DGKG: variants seen among roughly 807,000 people sequenced by gnomAD.
The protein encoded by DGKG is DAG kinase gamma.
Under a neutral mutation model 105.3 loss-of-function variants are expected in DGKG, and 78 were observed. That is an observed-to-expected ratio of 0.74 (90% CI 0.62 to 0.89). DGKG has a LOEUF of 0.89. Ranked by LOEUF, DGKG falls within the 40% of genes least tolerant of loss-of-function variation. The probability of loss-of-function intolerance (pLI) is 0.00; values close to 1 mark genes in which losing one functional copy is unlikely to be tolerated. For missense variants in DGKG, 958 were observed against 1,020.1 expected (o/e 0.94, Z 0.83); for synonymous variants, 346 against 367.1 (o/e 0.94, Z 0.66).
chr3:186,156,065 GGATAGC>G (rs930626680), intron 24 of DGKG, among the ~76,000 whole-genome samples: 2 of 151,860 alleles, frequency 1.3e-5, no homozygotes, highest in African/African-American at 4.8e-5. Context: ...CTGATCTTTG[GGATAGC>G]GATTGCAAAC....
intron 2 of DGKG, among the ~76,000 whole-genome samples, chr3:186,314,527 G>A (rs1453398519): frequency 6.6e-6 from 1 of 152,092 alleles, no homozygotes; most frequent in Non-Finnish European, 1.5e-5. Flanking sequence ...GGTCGAGGCG[G>A]GTGGATCACC....
At position 186,353,561 on chromosome 3, in the gene DGKG, GTATGTATA is replaced by G. The variant is rs1439760122; in HGVS notation, c.-249+8377_-249+8384del. On this transcript the variant is annotated intron_variant, in intron 1 of 24. Coordinates refer to ENST00000265022, the MANE Select transcript of DGKG (RefSeq NM_001346.3). ...TACACACTTTTATATATACTTTTAT[GTATGTATA>G]TATATATATATATATATATATACAC... 1.9e-3 allele frequency among the ~76,000 whole-genome samples: 209 copies of G among 107,938 alleles called. 1 individual carries two copies. The highest frequency in any genetic ancestry group is 9.9e-3 in the African/African-American group (204 of 20,658). The allele number at this position is 107,938 out of a possible 152,430, so 70.8% of individuals were successfully genotyped here.
chr3:186,301,514 C>T (rs1240011295), intron 3 of DGKG, among the ~76,000 whole-genome samples: 1 of 152,168 alleles, frequency 6.6e-6, no homozygotes, highest in Non-Finnish European at 1.5e-5. Flanking sequence ...GTAGTCCCAG[C>T]TACTCGGGAG....
rs544966009 is a variant in DGKG, at chr3:186,203,462, G to A, written c.1917+8333C>T. Among the ~76,000 whole-genome samples, 6 of 152,110 alleles carry A rather than the reference G, an allele frequency of 3.9e-5. No homozygotes were observed. The highest frequency in any genetic ancestry group is 9.7e-5 in the African/African-American group (4 of 41,432). On this transcript the variant is annotated intron_variant, in intron 21 of 24. Transcript: ENST00000265022. The surrounding 1 kb of genome is among the most constrained non-coding windows in gnomAD (Gnocchi z 4.9). ...ATGAATTTGGATTACCTTTGTAATCGGGAAAAGAGGTTAGCCCACATATTA... is the reference window on the plus strand; with the variant it reads ...ATGAATTTGGATTACCTTTGTAATCAGGAAAAGAGGTTAGCCCACATATTA...
chr3:186,326,297 TAGG>T (rs1393401060), intron 1 of DGKG, among the ~76,000 whole-genome samples: 2 of 151,890 alleles, frequency 1.3e-5, no homozygotes, highest in East Asian at 3.9e-4. Flanking sequence ...GAGGCTGAGG[TAGG>T]AGAATTGCTC....
chr3:186,272,209 T>A (rs1560126756), intron 11 of DGKG, 46 bp downstream of exon 11: 2 of 1,447,532 alleles, frequency 1.4e-6, no homozygotes, highest in Non-Finnish European at 1.9e-6. Flanking sequence ...TGGACATGTT[T>A]CCTGGATGAG....
chr3:186,337,071 T>C (rs761607061), intron 1 of DGKG, among the ~76,000 whole-genome samples: 1 of 152,188 alleles, frequency 6.6e-6, no homozygotes, highest in Non-Finnish European at 1.5e-5. Flanking sequence ...AACAGATAAT[T>C]CTTCTCTTAC....
chr3:186,186,239 A>C (rs986690995), intron 22 of DGKG, among the ~76,000 whole-genome samples: 1 of 152,116 alleles, frequency 6.6e-6, no homozygotes, highest in African/African-American at 2.4e-5. Flanking sequence ...ACAAGAGAAT[A>C]ACTTCCCCAA....
intron 24 of DGKG, among the ~76,000 whole-genome samples, chr3:186,154,468 A>G (rs1305733677): frequency 1.3e-5 from 2 of 151,900 alleles, no homozygotes; most frequent in Admixed American, 6.6e-5. Flanking sequence ...ACATGGTGAA[A>G]TCCCGTCTCT....
chr3:186,304,331 T>C (rs1262401835), intron 3 of DGKG, among the ~76,000 whole-genome samples: 2 of 152,248 alleles, frequency 1.3e-5, no homozygotes, highest in African/African-American at 4.8e-5. Context: ...TTCTTTGAAA[T>C]GGTGCATTCT....
chr3:186,206,758 TTG>T lies in DGKG; in HGVS notation c.1917+5035_1917+5036del, dbSNP rs202125863. 4.9e-3 allele frequency among the ~76,000 whole-genome samples: 737 copies of T among 151,894 alleles called. 8 individuals carry two copies. The highest frequency in any genetic ancestry group is 0.016 in the African/African-American group (678 of 41,308). ...ACATGCTGGCTTCTTTTTTGTTTTTTTGTTTTTTTTGAGAGAGTTTTGCTTTT... is the reference window on the plus strand; with the variant it reads ...ACATGCTGGCTTCTTTTTTGTTTTTTTTTTTTTTGAGAGAGTTTTGCTTTT... On this transcript the variant is annotated intron_variant, in intron 21 of 24. Coordinates refer to ENST00000265022, the MANE Select transcript of DGKG (RefSeq NM_001346.3).
chr3:186,254,374 G>A (rs1413821507), intron 17 of DGKG, among the ~76,000 whole-genome samples: 3 of 152,148 alleles, frequency 2.0e-5, no homozygotes, highest in Non-Finnish European at 4.4e-5. Flanking sequence ...TGGAAGGCTT[G>A]AGATAGAGAG....
At chr3:186,343,831 C>T (rs1250252436) in intron 1 of DGKG, among the ~76,000 whole-genome samples, 1 of 151,926 alleles carries the variant, frequency 6.6e-6, no homozygotes, top group African/African-American at 2.4e-5. Flanking sequence ...TGTTTTAGCT[C>T]TTTTTGTCTT....
intron 19 of DGKG, among the ~76,000 whole-genome samples, chr3:186,249,252 C>G (rs139602106): frequency 3.2e-4 from 48 of 152,208 alleles, no homozygotes; most frequent in Non-Finnish European, 3.2e-4. Flanking sequence ...ACATAGGAAC[C>G]CCTAAACTTG....
chr3:186,199,185 G>A (rs912879498), intron 21 of DGKG, among the ~76,000 whole-genome samples: 9 of 152,060 alleles, frequency 5.9e-5, no homozygotes, highest in African/African-American at 1.4e-4. Flanking sequence ...TCTTGACCTC[G>A]TGATCTGCCC....
intron 14 of DGKG, among the ~76,000 whole-genome samples, chr3:186,262,125 G>T (rs539992570): frequency 1.3e-5 from 2 of 152,270 alleles, no homozygotes; most frequent in Admixed American, 6.5e-5. Flanking sequence ...AAGCACGGCC[G>T]TCTGATCATA....
intron 7 of DGKG, among the ~76,000 whole-genome samples, chr3:186,283,788 AT>A (rs1722935230): frequency 6.6e-6 from 1 of 152,204 alleles, no homozygotes; most frequent in Admixed American, 6.5e-5. Flanking sequence ...AACCCGCAGC[AT>A]TGCAATGTAG....
intron 4 of DGKG, 121 bp from the exon 5 acceptor site, chr3:186,297,604 G>A: frequency 1.4e-6 from 1 of 724,404 alleles, no homozygotes; most frequent in East Asian, 2.5e-5. Context: ...TCGGGGTTAT[G>A]TGTCAGCTGG....
chr3:186,196,808 C>T (rs1232110899), intron 21 of DGKG, among the ~76,000 whole-genome samples: 1 of 152,142 alleles, frequency 6.6e-6, no homozygotes, highest in African/African-American at 2.4e-5. Context: ...ACAGCTCTCT[C>T]CTGGGAGAGA....
Sources: gnomAD v4.1 joint callset for allele counts (sites outside exome capture counted in the v4.1 genomes callset) on GRCh38, gnomAD v4.1.1 for gene constraint, Gnocchi (gnomAD v3.1) non-coding constraint, MANE v1.5 for transcripts, NCBI Gene and HGNC (gene_info 2026-07-23, HGNC 2026-07-21) for gene names.